Variants in PRKG1 observed in about 807,000 individuals in gnomAD.
PRKG1 encodes protein kinase cGMP-dependent 1.
Under a neutral mutation model 88.1 loss-of-function variants are expected in PRKG1, and 35 were observed. The ratio of observed to expected loss-of-function variants is 0.40; its 90% CI spans 0.30 to 0.53. PRKG1 has a LOEUF of 0.53. Ranked by LOEUF, PRKG1 falls within the 20% of genes least tolerant of loss-of-function variation. The pLI is 0.59. For synonymous variants in PRKG1, 303 were observed against 292.5 expected (o/e 1.04, Z -0.37); for missense variants, 540 against 839.8 (o/e 0.64, Z 4.41).
chr10:52,168,719 A>G lies in PRKG1; in HGVS notation c.1076+6756A>G, dbSNP rs1050482883. On this transcript the variant is annotated intron_variant, in intron 9 of 17. Coordinates refer to ENST00000373980, the MANE Select transcript of PRKG1 (RefSeq NM_006258.4). The stretch of plus-strand genomic sequence containing the variant: ...GACAATGTGATTTAAAAAAAAAAAA[A>G]GCATTTGAGAGATATTTAGGTGGCA... Among the ~76,000 whole-genome samples the G allele has an allele frequency of 2.6e-5, 4 of 152,048 alleles. No homozygotes were observed. In the East Asian group the frequency reaches 5.8e-4, roughly 22 times the overall value.
chr10:52,171,397 GCTGA>G (rs1223095722), intron 9 of PRKG1, among the ~76,000 whole-genome samples: 1 of 152,134 alleles, frequency 6.6e-6, no homozygotes, highest in African/African-American at 2.4e-5. Context: ...ATTAGAACTT[GCTGA>G]CTATCTGCAG....
At chr10:51,150,490 C>T (rs116649776) in intron 1 of PRKG1, among the ~76,000 whole-genome samples, 1 of 152,232 alleles carries the variant, frequency 6.6e-6, no homozygotes, top group East Asian at 1.9e-4. Flanking sequence ...TATTCTCTGA[C>T]AAGACCATCT....
At chr10:51,704,472 C>A (rs969136565) in intron 3 of PRKG1, among the ~76,000 whole-genome samples, 2 of 152,124 alleles carry the variant, frequency 1.3e-5, no homozygotes, top group African/African-American at 2.4e-5. Flanking sequence ...CTGCCAGGAC[C>A]CTTGTCATTT....
chr10:51,970,167 A>T (rs1705262438), intron 5 of PRKG1, among the ~76,000 whole-genome samples: 1 of 151,968 alleles, frequency 6.6e-6, no homozygotes, highest in Non-Finnish European at 1.5e-5. Context: ...CTGTTTTCTT[A>T]CATCAACATA....
At chr10:51,843,157 C>T (rs548148672) in intron 4 of PRKG1, among the ~76,000 whole-genome samples, 10 of 135,124 alleles carry the variant, frequency 7.4e-5, no homozygotes, top group South Asian at 2.3e-4. Flanking sequence ...AGTGCAGTGA[C>T]GCAATCTTGG....
chr10:51,886,992 A>G (rs961164261), intron 4 of PRKG1, among the ~76,000 whole-genome samples: 10 of 152,160 alleles, frequency 6.6e-5, no homozygotes, highest in Non-Finnish European at 1.3e-4. Flanking sequence ...AATTATTATG[A>G]TTGGTATTTT....
chr10:52,083,477 G>A (rs1296153363), intron 7 of PRKG1, among the ~76,000 whole-genome samples: 3 of 152,040 alleles, frequency 2.0e-5, no homozygotes, highest in Admixed American at 2.0e-4. Context: ...GAACACTTTA[G>A]AACAGGACCG....
At chr10:51,071,924 C>T (rs527249676), upstream of PRKG1, among the ~76,000 whole-genome samples, 6 of 152,262 alleles carry the variant, frequency 3.9e-5, no homozygotes, top group Admixed American at 1.3e-4. Context: ...GATGGCTGGG[C>T]ACAGTGGCTA....
At chr10:51,239,395 G>T (rs1274303094) in intron 2 of PRKG1, among the ~76,000 whole-genome samples, 5 of 152,198 alleles carry the variant, frequency 3.3e-5, no homozygotes, top group Non-Finnish European at 7.4e-5. Context: ...GTATACAAAA[G>T]TTCAAACTGG....
chr10:52,042,480 G>C (rs534414497), intron 5 of PRKG1, among the ~76,000 whole-genome samples: 1 of 152,140 alleles, frequency 6.6e-6, no homozygotes, highest in South Asian at 2.1e-4. Flanking sequence ...GGAATGAACA[G>C]TCTCTTCAAT....
intron 5 of PRKG1, among the ~76,000 whole-genome samples, chr10:52,010,073 G>A (rs1196569160): frequency 1.3e-5 from 2 of 152,072 alleles, no homozygotes; most frequent in African/African-American, 4.8e-5. Flanking sequence ...AAAACTCATG[G>A]AAGATAACCT....
At chr10:51,016,436 G>C (rs755735937) in intron 1 of PRKG1, among the ~76,000 whole-genome samples, 1 of 151,932 alleles carries the variant, frequency 6.6e-6, no homozygotes, top group African/African-American at 2.4e-5. Flanking sequence ...AGGCTAGAAT[G>C]GTTAACTAAA....
chr10:51,037,353 A>T (rs1843365048), intron 1 of PRKG1, among the ~76,000 whole-genome samples: 1 of 152,172 alleles, frequency 6.6e-6, no homozygotes, highest in African/African-American at 2.4e-5. Flanking sequence ...TTGCAGTCCC[A>T]GCTACTCAGC....
intron 3 of PRKG1, among the ~76,000 whole-genome samples, chr10:51,469,317 A>G (rs1292353612): frequency 6.6e-6 from 1 of 151,856 alleles, no homozygotes. Context: ...TGAAGTATTT[A>G]AAATTTTTAA....
At chr10:52,109,315 A>G (rs943956507) in intron 7 of PRKG1, among the ~76,000 whole-genome samples, 14 of 152,202 alleles carry the variant, frequency 9.2e-5, no homozygotes, top group African/African-American at 3.4e-4. Flanking sequence ...CATTTTTCTA[A>G]AAGAACACAT....
intron 2 of PRKG1, among the ~76,000 whole-genome samples, chr10:51,252,039 T>G (rs1589280542): frequency 6.6e-6 from 1 of 151,932 alleles, no homozygotes; most frequent in East Asian, 1.9e-4. Flanking sequence ...TATACGTTAT[T>G]AGTCTAATGT....
chr10:51,466,245 T>C (rs1839901811), intron 2 of PRKG1, among the ~76,000 whole-genome samples: 3 of 152,244 alleles, frequency 2.0e-5, no homozygotes, highest in Admixed American at 6.5e-5. Context: ...TTTACCGGAC[T>C]GATTTTGATG....
Position 52,222,969 on chromosome 10 carries a change from G to A in PRKG1, c.1077-28601G>A, listed in dbSNP as rs775410831. 3.3e-5 allele frequency among the ~76,000 whole-genome samples: 5 copies of A among 151,944 alleles called. No homozygotes were observed. In the South Asian group the frequency reaches 8.3e-4, roughly 25 times the overall value. On this transcript the variant is annotated intron_variant, in intron 9 of 17. Transcript: ENST00000373980. ...TTGACTTTTACTGATAGCCATATTG[G>A]CTTATCACTGGTTTGACCTACACTA...
chr10:52,128,452 C>T (rs1837162166), intron 7 of PRKG1: 2 of 985,256 alleles, frequency 2.0e-6, no homozygotes, highest in Admixed American at 6.2e-5. Context: ...TGTAAATTCC[C>T]TGTATGGATT....
Sources: gnomAD v4.1 joint callset for allele counts (sites outside exome capture counted in the v4.1 genomes callset) on GRCh38, gnomAD v4.1.1 for gene constraint, MANE v1.5 for transcripts, NCBI Gene and HGNC (gene_info 2026-07-23, HGNC 2026-07-21) for gene names.